The following ARHGEF7 variants were observed in gnomAD, a reference collection of about 807,000 sequenced individuals.
ARHGEF7 encodes PAK-interacting exchange factor beta.
Under a neutral mutation model 109.8 loss-of-function variants are expected in ARHGEF7, and 33 were observed. That is an observed-to-expected ratio of 0.30 (90% CI 0.23 to 0.40). The LOEUF is 0.40. Ranked by LOEUF, ARHGEF7 falls within the 10% of genes least tolerant of loss-of-function variation. The pLI, the probability that ARHGEF7 is intolerant of heterozygous loss-of-function variation, is 1.00. For missense variants in ARHGEF7, 938 were observed against 1,098.5 expected (o/e 0.85, Z 2.07); for synonymous variants, 458 against 424.6 (o/e 1.08, Z -0.97).
chr13:111,122,073 C>G (rs1318257320), intron 1 of ARHGEF7, among the ~76,000 whole-genome samples: 3 of 152,336 alleles, frequency 2.0e-5, no homozygotes, highest in African/African-American at 7.2e-5. Flanking sequence ...AGGGCAGACT[C>G]TTGCAACTTT....
At chr13:111,265,001 G>A (rs144029873) in intron 8 of ARHGEF7, among the ~76,000 whole-genome samples, 1 of 152,004 alleles carries the variant, frequency 6.6e-6, no homozygotes, top group African/African-American at 2.4e-5. Context: ...GTGCATGCCT[G>A]TAATCCCAGC....
chr13:111,140,229 A>C (rs2075285595), intron 1 of ARHGEF7, among the ~76,000 whole-genome samples: 1 of 152,186 alleles, frequency 6.6e-6, no homozygotes, highest in African/African-American at 2.4e-5. Flanking sequence ...AACAGACCAA[A>C]TATGCTGCAG....
At chr13:111,175,116 A>G (rs551966871) in intron 2 of ARHGEF7, among the ~76,000 whole-genome samples, 50 of 152,252 alleles carry the variant, frequency 3.3e-4, no homozygotes, top group African/African-American at 1.1e-3. Flanking sequence ...TCTAAATTGA[A>G]TATTTGTTTG....
chr13:111,206,447 C>A (rs1161228276), intron 3 of ARHGEF7, among the ~76,000 whole-genome samples: 1 of 152,170 alleles, frequency 6.6e-6, no homozygotes, highest in African/African-American at 2.4e-5. Flanking sequence ...GCCCCCATCC[C>A]TGGGAGCAGG....
At chr13:111,215,174 T>A (rs2082967188) in intron 4 of ARHGEF7, among the ~76,000 whole-genome samples, 1 of 152,134 alleles carries the variant, frequency 6.6e-6, no homozygotes, top group Admixed American at 6.5e-5. Flanking sequence ...TCAGAGTAAC[T>A]GGGGGCATCC....
rs959589028 is a variant in ARHGEF7 at position 111,273,855 on chromosome 13, G to C, written c.1115G>C (p.Ser372Thr). ...GEFMETKGAS[S>T]PGILVLTTGL... ...TTCATGGAGACCAAAGGTGCCAGCA[G>C]CCCTGGGATTCTCGTGCTGACCACG... The change falls in exon 10 of 22, where the codon AGC (serine) becomes ACC (threonine). Residue 372 changes from serine (S) to threonine (T), a missense_variant. This residue lies in a region of ARHGEF7 where 585 missense variants were observed against 723.6 expected (regional missense o/e 0.81). Transcript: ENST00000646102. This position sits in a 1 kb window ranked among gnomAD's most constrained non-coding sequence, Gnocchi z 4.5. 6 of 1,614,164 alleles carry C rather than the reference G, an allele frequency of 3.7e-6. No homozygotes were observed. Among genetic ancestry groups the C allele is most frequent in the Non-Finnish European group, 5.1e-6 (6 of 1,180,022 alleles).
chr13:111,295,007 G>T, intron 19 of ARHGEF7: 1 of 985,774 alleles, frequency 1.0e-6, no homozygotes, highest in East Asian at 1.1e-4. Context: ...CTTTATCTGT[G>T]AATGGGAAAA....
At chr13:111,275,793 A>C in intron 12 of ARHGEF7, 115 bp downstream of exon 12, 1 of 1,333,508 alleles carries the variant, frequency 7.5e-7, no homozygotes. Flanking sequence ...GCTCTATCTT[A>C]TAATTTGTGA....
intron 5 of ARHGEF7, among the ~76,000 whole-genome samples, chr13:111,230,895 G>C (rs765046979): frequency 6.6e-6 from 1 of 152,198 alleles, no homozygotes; most frequent in African/African-American, 2.4e-5. Context: ...TTATTTTTAT[G>C]TAATGTTAGT....
At chr13:111,279,924 TA>T (rs1275112905) in intron 13 of ARHGEF7, among the ~76,000 whole-genome samples, 1 of 152,234 alleles carries the variant, frequency 6.6e-6, no homozygotes, top group Non-Finnish European at 1.5e-5. Flanking sequence ...AAACATCATT[TA>T]AAACAACTGT....
chr13:111,223,719 TCTAATGC>T (rs1460281691), intron 5 of ARHGEF7, among the ~76,000 whole-genome samples: 1 of 152,256 alleles, frequency 6.6e-6, no homozygotes, highest in Non-Finnish European at 1.5e-5. Context: ...TAACGATCTT[TCTAATGC>T]TTGTGTCAAA....
intron 1 of ARHGEF7, among the ~76,000 whole-genome samples, chr13:111,141,906 A>G (rs1359497922): frequency 6.6e-6 from 1 of 152,220 alleles, no homozygotes; most frequent in African/African-American, 2.4e-5. Flanking sequence ...AGACTGCCCA[A>G]CTGCCTTCTA....
chr13:111,279,438 CTG>C (rs765024991), intron 13 of ARHGEF7, among the ~76,000 whole-genome samples: 64 of 152,302 alleles, frequency 4.2e-4, no homozygotes, highest in Admixed American at 1.0e-3. Flanking sequence ...CACCCATTCT[CTG>C]TGGGGGCACG....
At chr13:111,270,997 C>A (rs2092097849) in intron 9 of ARHGEF7, among the ~76,000 whole-genome samples, 1 of 152,144 alleles carries the variant, frequency 6.6e-6, no homozygotes, top group South Asian at 2.1e-4. Flanking sequence ...TCAGAGGGGC[C>A]GGCCATGCCA....
At chr13:111,174,987 C>G (rs1209045451) in intron 2 of ARHGEF7, among the ~76,000 whole-genome samples, 1 of 152,214 alleles carries the variant, frequency 6.6e-6, no homozygotes, top group Non-Finnish European at 1.5e-5. Flanking sequence ...CTCAACCGTC[C>G]TCCTGTGTTG....
chr13:111,215,065 A>G (rs1236602028), intron 4 of ARHGEF7, among the ~76,000 whole-genome samples: 1 of 151,692 alleles, frequency 6.6e-6, no homozygotes, highest in African/African-American at 2.4e-5. Context: ...TTTTTCCACT[A>G]GTTCTTTTTT....
chr13:111,210,874 A>G (rs772581648), intron 4 of ARHGEF7, among the ~76,000 whole-genome samples: 4 of 152,230 alleles, frequency 2.6e-5, no homozygotes, highest in Non-Finnish European at 4.4e-5. Context: ...CCTCTGCCTT[A>G]ACATGGGGGA....
intron 9 of ARHGEF7, among the ~76,000 whole-genome samples, chr13:111,268,787 C>T (rs1027714191): frequency 1.1e-4 from 16 of 152,322 alleles, no homozygotes; most frequent in Admixed American, 9.8e-4. Flanking sequence ...AAACTGTCAG[C>T]AGGTCAGGTC....
At chr13:111,241,360 C>T in intron 6 of ARHGEF7, 1 of 1,535,720 alleles carries the variant, frequency 6.5e-7, no homozygotes, top group South Asian at 1.2e-5. Flanking sequence ...CCGGCTGCGC[C>T]CCGAGGTCAG....
Sources: allele counts gnomAD v4.1 joint callset (sites outside exome capture counted in the v4.1 genomes callset), GRCh38; gene constraint gnomAD v4.1.1; regional missense constraint gnomAD v4.1.1; non-coding constraint Gnocchi (gnomAD v3.1); transcripts MANE v1.5; gene names NCBI Gene and HGNC (gene_info 2026-07-23, HGNC 2026-07-21).